CCDC178: variants seen among roughly 807,000 people sequenced by gnomAD.
The protein encoded by CCDC178 is coiled-coil domain-containing protein 178.
In CCDC178, 126 loss-of-function variants were observed where a neutral mutation model predicts 117.4. The observed-to-expected ratio is 1.07, with a 90% confidence interval of 0.93 to 1.24. The LOEUF (loss-of-function observed/expected upper bound fraction) is 1.24. CCDC178 is among the 50% of genes most tolerant of loss of function. CCDC178 has a pLI of 0.00. For missense variants in CCDC178, 1,030 were observed against 986.9 expected, an observed-to-expected ratio of 1.04 and a Z score of -0.59; for synonymous variants, 283 against 313.4, an observed-to-expected ratio of 0.90 and a Z score of 1.02.
At chr18:33,196,380 CCGT>C (rs2058930131) in intron 20 of CCDC178, among the ~76,000 whole-genome samples, 1 of 152,110 alleles carries the variant, frequency 6.6e-6, no homozygotes, top group Non-Finnish European at 1.5e-5. Flanking sequence ...AACGGAAGCT[CCGT>C]ATTTAGACCC....
intron 15 of CCDC178, among the ~76,000 whole-genome samples, chr18:33,241,106 C>T (rs1431336847): frequency 6.6e-6 from 1 of 151,866 alleles, no homozygotes; most frequent in Non-Finnish European, 1.5e-5. Flanking sequence ...ACATGGTTAT[C>T]TTAATAGATG....
chr18:33,085,214 C>T (rs1312828511), intron 21 of CCDC178, among the ~76,000 whole-genome samples: 1 of 152,066 alleles, frequency 6.6e-6, no homozygotes, highest in Non-Finnish European at 1.5e-5. Context: ...GTAGCCATAT[C>T]TTCTATATGC....
chr18:33,417,535 T>TAC (rs60345049), intron 2 of CCDC178, among the ~76,000 whole-genome samples: 61,705 of 147,826 alleles, frequency 0.42, 13,508 homozygotes, highest in East Asian at 0.83. Context: ...CAGAGCTGTA[T>TAC]ACACACACAC....
intron 20 of CCDC178, among the ~76,000 whole-genome samples, chr18:33,184,438 A>G (rs922828212): frequency 6.6e-6 from 1 of 151,980 alleles, no homozygotes; most frequent in East Asian, 1.9e-4. Flanking sequence ...AATGCAATCA[A>G]TAGTTCTTGG....
intron 22 of CCDC178, chr18:32,958,158 A>T (rs1000996995): frequency 1.8e-6 from 1 of 547,170 alleles, no homozygotes; most frequent in Non-Finnish European, 3.3e-6. Flanking sequence ...TTACGTTTGA[A>T]GTGGTTCATA....
chr18:33,150,184 A>G (rs1431072139), intron 20 of CCDC178, among the ~76,000 whole-genome samples: 1 of 152,202 alleles, frequency 6.6e-6, no homozygotes, highest in Non-Finnish European at 1.5e-5. Flanking sequence ...GGGAGGCCAC[A>G]TGTAGAAGAA....
At chr18:33,015,130 C>T (rs985233023) in intron 21 of CCDC178, among the ~76,000 whole-genome samples, 2 of 151,714 alleles carry the variant, frequency 1.3e-5, no homozygotes, top group Non-Finnish European at 2.9e-5. Flanking sequence ...GTGGTGGGTG[C>T]CTGTAATCCC....
intron 21 of CCDC178, among the ~76,000 whole-genome samples, chr18:33,075,814 C>T (rs1301453053): frequency 3.3e-5 from 5 of 151,840 alleles, no homozygotes; most frequent in Admixed American, 1.3e-4. Flanking sequence ...ACTAAAAATA[C>T]AAAAATTAGC....
At chr18:33,165,197 A>C (rs2058513920) in intron 20 of CCDC178, among the ~76,000 whole-genome samples, 1 of 150,708 alleles carries the variant, frequency 6.6e-6, no homozygotes, top group Non-Finnish European at 1.5e-5. Flanking sequence ...AAACAAAGAC[A>C]AAAAAAAACA....
intron 20 of CCDC178, among the ~76,000 whole-genome samples, chr18:33,121,172 AG>A (rs1236701474): frequency 1.3e-5 from 2 of 152,160 alleles, no homozygotes; most frequent in African/African-American, 4.8e-5. Flanking sequence ...AAATTATCAT[AG>A]ATAAACTGGA....
chr18:33,195,835 A>G (rs2058923634), intron 20 of CCDC178, among the ~76,000 whole-genome samples: 1 of 152,234 alleles, frequency 6.6e-6, no homozygotes, highest in Admixed American at 6.5e-5. Flanking sequence ...CTGGAAATGT[A>G]CGATCTATGG....
chr18:33,334,442 G>C (rs2062712661), intron 9 of CCDC178, among the ~76,000 whole-genome samples: 1 of 151,942 alleles, frequency 6.6e-6, no homozygotes, highest in East Asian at 1.9e-4. Flanking sequence ...CCAATGAACA[G>C]AGAAGGACAA....
intron 21 of CCDC178, among the ~76,000 whole-genome samples, chr18:33,091,772 C>T (rs796811388): frequency 2.2e-4 from 33 of 152,154 alleles, no homozygotes; most frequent in African/African-American, 7.9e-4. Flanking sequence ...TACTTACAGT[C>T]GTATAGCATC....
At chr18:33,228,711 C>T (rs1435203658) in intron 15 of CCDC178, among the ~76,000 whole-genome samples, 1 of 152,150 alleles carries the variant, frequency 6.6e-6, no homozygotes, top group Non-Finnish European at 1.5e-5. Context: ...GTTAAATGAC[C>T]AGTCACCAGG....
chr18:33,286,149 T>C (rs1244162487), intron 12 of CCDC178, among the ~76,000 whole-genome samples: 3 of 150,286 alleles, frequency 2.0e-5, no homozygotes, highest in Admixed American at 6.6e-5. Context: ...AATTTTTGTA[T>C]ATTTTAGTAG....
At chr18:33,061,813 T>G (rs937449887) in intron 21 of CCDC178, among the ~76,000 whole-genome samples, 1 of 152,152 alleles carries the variant, frequency 6.6e-6, no homozygotes, top group Non-Finnish European at 1.5e-5. Context: ...GTGGCAAGAT[T>G]TGGCATGGTA....
intron 14 of CCDC178, among the ~76,000 whole-genome samples, chr18:33,264,350 G>A (rs1368051479): frequency 6.6e-6 from 1 of 151,992 alleles, no homozygotes; most frequent in African/African-American, 2.4e-5. Flanking sequence ...TTTGTCCTGA[G>A]TTTTAATCTT....
intron 21 of CCDC178, among the ~76,000 whole-genome samples, chr18:33,082,772 T>C (rs1044883671): frequency 1.3e-5 from 2 of 151,634 alleles, no homozygotes; most frequent in African/African-American, 4.8e-5. Context: ...AAAAATAAAA[T>C]AAAATAATCA....
chr18:33,192,871 A>T (rs992192759), intron 20 of CCDC178, among the ~76,000 whole-genome samples: 4 of 149,730 alleles, frequency 2.7e-5, no homozygotes, highest in Non-Finnish European at 5.9e-5. Context: ...ACTGTACTCC[A>T]GCCTGGGTGA....
Sources: gnomAD v4.1 joint callset for allele counts (sites outside exome capture counted in the v4.1 genomes callset) on GRCh38, gnomAD v4.1.1 for gene constraint, MANE v1.5 for transcripts, NCBI Gene and HGNC (gene_info 2026-07-23, HGNC 2026-07-21) for gene names.